The following ZNF600 variants were observed in gnomAD, a reference collection of about 807,000 sequenced individuals.
ZNF600 encodes zinc finger protein KR-ZNF1.
ZNF600 carries 4 observed loss-of-function variants against 7.3 expected under a neutral mutation model. The observed-to-expected ratio is 0.55, with a 90% CI of 0.27 to 1.25. ZNF600 has a LOEUF of 1.25. ZNF600 is among the 50% of genes most tolerant of loss of function. The probability of loss-of-function intolerance (pLI) is 0.12; values close to 1 mark genes in which losing one functional copy is unlikely to be tolerated. For synonymous variants in ZNF600, 290 were observed against 308.9 expected (o/e 0.94, Z 0.64); for missense variants, 911 against 922.1 (o/e 0.99, Z 0.16).
chr19:52,802,444 G>GC, the ZNF600 span, among the ~76,000 whole-genome samples: 3 of 152,042 alleles, frequency 2.0e-5, no homozygotes, highest in Non-Finnish European at 4.4e-5. Flanking sequence ...CTTCTAGAGG[G>GC]CAAGGCAGGC....
rs1162027049 is a variant in ZNF600, at chr19:52,779,508, CAG to C, written c.-19-603_-19-602del. On this transcript the variant is annotated intron_variant, in intron 1 of 3. Coordinates refer to ENST00000648973, the Ensembl canonical transcript of ZNF600. The stretch of plus-strand genomic sequence containing the variant: ...TTGGGGCCTTGTTCTCACCAGCATC[CAG>C]AGAGTGGATGACAAAGGCACAAAAA... Among the ~76,000 whole-genome samples, 10 of 152,296 alleles carry C rather than the reference CAG, an allele frequency of 6.6e-5. No individual in the cohort carries two copies. The East Asian group carries it at 1.5e-3, about 24-fold the overall frequency.
chr19:52,830,818 A>G, the ZNF600 span, among the ~76,000 whole-genome samples: 1 of 148,406 alleles, frequency 6.7e-6, no homozygotes. Flanking sequence ...AGGAAGGGCA[A>G]GGGTGGAGAG....
chr19:52,775,559 A>C (rs1463743938), intron 2 of ZNF600, among the ~76,000 whole-genome samples: 1 of 152,146 alleles, frequency 6.6e-6, no homozygotes, highest in East Asian at 1.9e-4. Context: ...AAAAACAAAC[A>C]AACAAACAAA....
the ZNF600 span, among the ~76,000 whole-genome samples, chr19:52,808,592 T>C: frequency 6.0e-5 from 9 of 149,782 alleles, no homozygotes; most frequent in African/African-American, 2.2e-4. Context: ...CCAGACAGTG[T>C]CACTGCACTC....
the ZNF600 span, chr19:52,800,705 C>T: frequency 2.4e-5 from 39 of 1,611,706 alleles, no homozygotes; most frequent in South Asian, 3.1e-4. Flanking sequence ...CATAAGGTTT[C>T]TCTCCAGTAT....
intron 1 of ZNF600, 75 bp downstream of exon 1, chr19:52,786,520 T>C (rs1175363174): frequency 1.2e-5 from 2 of 165,342 alleles, no homozygotes; most frequent in South Asian, 2.8e-4. Flanking sequence ...CATTGCCCTA[T>C]AGCAGAAAGA....
upstream of ZNF600, among the ~76,000 whole-genome samples, chr19:52,787,138 C>T (rs2062771312): frequency 6.6e-6 from 1 of 152,352 alleles, no homozygotes; most frequent in East Asian, 1.9e-4. Context: ...AGGGAGGGTC[C>T]ACCCCGTGCT....
intron 1 of ZNF600, among the ~76,000 whole-genome samples, chr19:52,785,151 T>G (rs538409118): frequency 6.6e-6 from 1 of 152,168 alleles, no homozygotes; most frequent in East Asian, 1.9e-4. Context: ...GCTCCTCATT[T>G]TGTACCCCTC....
the ZNF600 span, among the ~76,000 whole-genome samples, chr19:52,796,782 A>G: frequency 1.3e-5 from 2 of 152,130 alleles, no homozygotes; most frequent in African/African-American, 4.8e-5. Context: ...CGCAAATTTG[A>G]TATTTCTTCT....
the ZNF600 span, among the ~76,000 whole-genome samples, chr19:52,826,087 G>A: frequency 6.6e-6 from 1 of 152,156 alleles, no homozygotes; most frequent in Non-Finnish European, 1.5e-5. Context: ...TTGAGCCAAG[G>A]GAACTGGTGG....
the ZNF600 span, among the ~76,000 whole-genome samples, chr19:52,796,504 C>T: frequency 1.3e-5 from 2 of 151,578 alleles, no homozygotes; most frequent in East Asian, 1.9e-4. Flanking sequence ...TAGTCACTTA[C>T]GTCTTAGACT....
At chr19:52,817,928 G>T in the ZNF600 span, 1 of 1,610,062 alleles carries the variant, frequency 6.2e-7, no homozygotes. Flanking sequence ...GCAATCCACC[G>T]AGAATACCAT....
the ZNF600 span, among the ~76,000 whole-genome samples, chr19:52,792,407 T>G: frequency 6.6e-6 from 1 of 151,982 alleles, no homozygotes; most frequent in Non-Finnish European, 1.5e-5. Flanking sequence ...TCTGAGTGCC[T>G]CATCCAAAAG....
chr19:52,818,545 TC>T, the ZNF600 span, among the ~76,000 whole-genome samples: 1 of 151,998 alleles, frequency 6.6e-6, no homozygotes, highest in Non-Finnish European at 1.5e-5. Flanking sequence ...AAACCCTGTC[TC>T]TACTAAAAAT....
At position 52,781,985 on chromosome 19, in the gene ZNF600, C is replaced by T. The variant is rs543313532; in HGVS notation, c.-19-3078G>A. ...CTGAGGCAGGAGAATCGCTTGACCCCGGGAGGCGGAGTTTGCAGTGAGACG... is the reference window on the plus strand; with the variant it reads ...CTGAGGCAGGAGAATCGCTTGACCCTGGGAGGCGGAGTTTGCAGTGAGACG... On this transcript the variant is annotated intron_variant, in intron 1 of 3. Transcript: ENST00000648973. Among the ~76,000 whole-genome samples, 10 of 152,050 alleles carry T rather than the reference C, an allele frequency of 6.6e-5. No individual in the cohort carries two copies. In the South Asian group the frequency reaches 1.2e-3, roughly 19 times the overall value.
chr19:52,797,458 G>A, the ZNF600 span: 1 of 152,202 alleles, frequency 6.6e-6, no homozygotes, highest in African/African-American at 2.4e-5. Flanking sequence ...CATGATCTGT[G>A]AAGAAAATCA....
chr19:52,767,636 T>G, exon 4 of ZNF600: 3 of 1,614,116 alleles, frequency 1.9e-6, no homozygotes, highest in East Asian at 2.2e-5. Context: ...TATCATGAAT[T>G]TCTTTCTCAA....
upstream of ZNF600, among the ~76,000 whole-genome samples, chr19:52,790,178 G>C (rs1027405911): frequency 3.9e-5 from 6 of 152,224 alleles, no homozygotes; most frequent in Non-Finnish European, 7.3e-5. Flanking sequence ...ATACGTGCAA[G>C]TCACAGGGGA....
chr19:52,767,046 C>A, exon 4 of ZNF600: 1 of 1,613,938 alleles, frequency 6.2e-7, no homozygotes, highest in Non-Finnish European at 8.5e-7. Flanking sequence ...GTGAAGTCTA[C>A]GATGGCATGT....
Sources: allele counts gnomAD v4.1 joint callset (sites outside exome capture counted in the v4.1 genomes callset), GRCh38; gene constraint gnomAD v4.1.1; transcripts MANE v1.5; gene names NCBI Gene and HGNC (gene_info 2026-07-23, HGNC 2026-07-21).